The following LRP1B variants were observed in gnomAD, a reference collection of about 807,000 sequenced individuals.
LRP1B encodes the protein low-density lipoprotein receptor-related protein 1B.
A neutral mutation model predicts 556.6 loss-of-function variants in LRP1B; 217 were observed. The observed-to-expected ratio is 0.39, with a 90% confidence interval of 0.35 to 0.44. The LOEUF is 0.44. LRP1B is among the 20% of genes least tolerant of loss of function. The pLI, the probability that LRP1B is intolerant of heterozygous loss-of-function variation, is 1.00. For synonymous variants in LRP1B, 2,047 were observed against 1,865.8 expected (o/e 1.10, Z -2.50); for missense variants, 5,053 against 5,620.8 (o/e 0.90, Z 3.23).
intron 54 of LRP1B, 82 bp downstream of exon 54, chr2:140,502,881 G>A: frequency 7.2e-7 from 1 of 1,383,582 alleles, no homozygotes; most frequent in Non-Finnish European, 1.0e-6. Flanking sequence ...TTCTCTCATT[G>A]AATACTATAC....
At chr2:141,381,243 C>G (rs1248997014) in intron 3 of LRP1B, among the ~76,000 whole-genome samples, 1 of 151,448 alleles carries the variant, frequency 6.6e-6, no homozygotes, top group African/African-American at 2.4e-5. Context: ...AATCACAAAA[C>G]TGAAGAATGA....
At chr2:141,791,870 C>A (rs535555561) in intron 2 of LRP1B, among the ~76,000 whole-genome samples, 5 of 151,980 alleles carry the variant, frequency 3.3e-5, no homozygotes, top group Non-Finnish European at 7.4e-5. Context: ...AAAAGATCAT[C>A]CAGCTAGTCA....
intron 1 of LRP1B, among the ~76,000 whole-genome samples, chr2:141,872,862 G>T (rs933408633): frequency 6.6e-6 from 1 of 151,880 alleles, no homozygotes; most frequent in African/African-American, 2.4e-5. Context: ...AAGAATGAAT[G>T]AGCAAAGTCC....
chr2:140,960,001 A>G (rs533751113), intron 18 of LRP1B, among the ~76,000 whole-genome samples: 7 of 145,088 alleles, frequency 4.8e-5, no homozygotes, highest in Non-Finnish European at 1.1e-4. Flanking sequence ...CATTTTTGCT[A>G]CTTTTAAAAG....
intron 1 of LRP1B, among the ~76,000 whole-genome samples, chr2:141,882,420 A>T (rs1348653714): frequency 6.6e-6 from 1 of 152,150 alleles, no homozygotes; most frequent in African/African-American, 2.4e-5. Context: ...ATTAGTCCCA[A>T]ATCCATGAAG....
intron 4 of LRP1B, among the ~76,000 whole-genome samples, chr2:141,250,495 C>G (rs1684220907): frequency 6.6e-6 from 1 of 152,166 alleles, no homozygotes; most frequent in Admixed American, 6.6e-5. Flanking sequence ...CTTCCCTCTC[C>G]CACCTTCCCG....
At chr2:141,621,029 G>A (rs547429723) in intron 2 of LRP1B, among the ~76,000 whole-genome samples, 13 of 152,192 alleles carry the variant, frequency 8.5e-5, no homozygotes, top group Non-Finnish European at 1.6e-4. Context: ...CTAAACCAGA[G>A]CATGATGCTT....
intron 1 of LRP1B, among the ~76,000 whole-genome samples, chr2:141,940,473 C>T (rs1700764201): frequency 1.3e-5 from 2 of 152,046 alleles, no homozygotes; most frequent in Admixed American, 6.6e-5. Flanking sequence ...GTACTCTTCA[C>T]AAATTAGAGA....
At chr2:140,842,400 G>T (rs1277443772) in intron 29 of LRP1B, among the ~76,000 whole-genome samples, 1 of 152,146 alleles carries the variant, frequency 6.6e-6, no homozygotes, top group Non-Finnish European at 1.5e-5. Context: ...AATCCTTTTA[G>T]TATTTCTAAG....
chr2:140,544,857 C>T (rs544980355), intron 43 of LRP1B, among the ~76,000 whole-genome samples: 47 of 152,180 alleles, frequency 3.1e-4, no homozygotes, highest in African/African-American at 1.1e-3. Flanking sequence ...ACTGCTGGGT[C>T]GAATGGTATC....
At chr2:141,803,250 A>T (rs1242579923) in intron 2 of LRP1B, among the ~76,000 whole-genome samples, 1 of 150,800 alleles carries the variant, frequency 6.6e-6, no homozygotes, top group African/African-American at 2.4e-5. Flanking sequence ...GCAGACTCTC[A>T]GAGACCCATT....
intron 3 of LRP1B, among the ~76,000 whole-genome samples, chr2:141,259,178 TA>T (rs1262115961): frequency 6.6e-6 from 1 of 152,164 alleles, no homozygotes; most frequent in Non-Finnish European, 1.5e-5. Flanking sequence ...AGAGGGAGTC[TA>T]AAAGGATAAA....
At chr2:142,082,954 T>C (rs775728665) in intron 1 of LRP1B, among the ~76,000 whole-genome samples, 1 of 152,106 alleles carries the variant, frequency 6.6e-6, no homozygotes, top group Non-Finnish European at 1.5e-5. Flanking sequence ...CTCTGCAAGA[T>C]AAGAAGAGTG....
rs193257157 is a variant in LRP1B, at chr2:140,574,386, G to A, written c.7194+24245C>T. Among the ~76,000 whole-genome samples, 342 of 152,262 alleles carry A rather than the reference G, an allele frequency of 2.2e-3. 2 individuals are homozygous for A. Among genetic ancestry groups the A allele is most frequent in the Non-Finnish European group, 3.8e-3 (261 of 67,984 alleles). On this transcript the variant is annotated intron_variant, in intron 43 of 90. Coordinates refer to ENST00000389484, the MANE Select transcript of LRP1B (RefSeq NM_018557.3). ...TGAGTATTTCCATGAGGTAGCAACA[G>A]CACTTTGACCATTCTACACAATGTG...
intron 2 of LRP1B, among the ~76,000 whole-genome samples, chr2:141,544,341 T>TTCTTCTTCTTC (rs1685438450): frequency 1.4e-5 from 1 of 71,532 alleles, no homozygotes; most frequent in African/African-American, 6.1e-5. Flanking sequence ...CTTCTTCTTC[T>TTCTTCTTCTTC]TCTTCTTCTT....
intron 2 of LRP1B, among the ~76,000 whole-genome samples, chr2:141,745,583 C>T (rs924268371): frequency 6.6e-6 from 1 of 152,038 alleles, no homozygotes; most frequent in African/African-American, 2.4e-5. Flanking sequence ...GGGCAGTGAG[C>T]TTCCTTCTGG....
intron 1 of LRP1B, among the ~76,000 whole-genome samples, chr2:141,831,632 C>G (rs967078484): frequency 6.6e-6 from 1 of 151,568 alleles, no homozygotes; most frequent in Non-Finnish European, 1.5e-5. Flanking sequence ...ACATTGGAAT[C>G]AGACATTTGG....
At chr2:141,697,898 T>C (rs1691787339) in intron 2 of LRP1B, among the ~76,000 whole-genome samples, 1 of 151,896 alleles carries the variant, frequency 6.6e-6, no homozygotes, top group Non-Finnish European at 1.5e-5. Context: ...AATATGATGA[T>C]TACTATCATG....
intron 32 of LRP1B, among the ~76,000 whole-genome samples, chr2:140,801,602 T>C (rs1690516387): frequency 6.7e-6 from 1 of 149,802 alleles, no homozygotes; most frequent in Non-Finnish European, 1.5e-5. Context: ...TTTTTTTGTC[T>C]ATAATGTGAG....
Sources: gnomAD v4.1 joint callset for allele counts (sites outside exome capture counted in the v4.1 genomes callset) on GRCh38, gnomAD v4.1.1 for gene constraint, MANE v1.5 for transcripts, NCBI Gene and HGNC (gene_info 2026-07-23, HGNC 2026-07-21) for gene names.